The following SCAPER variants were observed in gnomAD, a reference collection of about 807,000 sequenced individuals.
SCAPER encodes S phase cyclin A-associated protein in the endoplasmic reticulum.
In SCAPER, 98 loss-of-function variants were observed where a neutral mutation model predicts 182.2. That is an observed-to-expected ratio of 0.54 (90% CI 0.46 to 0.64). SCAPER has a LOEUF of 0.64. Among genes scored for constraint, SCAPER ranks in the 30% least tolerant of loss-of-function variants. The pLI is 0.00. For synonymous variants in SCAPER, 605 were observed against 564.6 expected, an observed-to-expected ratio of 1.07 and a Z score of -1.01; for missense variants, 1,432 against 1,690.0, an observed-to-expected ratio of 0.85 and a Z score of 2.68.
chr15:76,485,564 G>A (rs745943769), intron 24 of SCAPER, among the ~76,000 whole-genome samples: 1 of 152,090 alleles, frequency 6.6e-6, no homozygotes, highest in African/African-American at 2.4e-5. Flanking sequence ...CAAAAAAAGA[G>A]TCTGAGTAGC....
rs117937492 is a variant in SCAPER, at chr15:76,679,111, C to A, written c.2509-13322G>T. 7.2e-4 allele frequency among the ~76,000 whole-genome samples: 109 copies of A among 152,156 alleles called. No individual in the cohort carries two copies. The East Asian group carries it at 0.019, about 27-fold the overall frequency. ...GCATTAGGCATATCAAATAAAGTAT[C>A]CACAGACAGTATTCAAACACTATTC... On this transcript the variant is annotated intron_variant, in intron 20 of 31. Coordinates refer to ENST00000563290, the MANE Select transcript of SCAPER (RefSeq NM_020843.4).
intron 25 of SCAPER, among the ~76,000 whole-genome samples, chr15:76,467,276 A>G (rs2049754216): frequency 6.6e-6 from 1 of 152,220 alleles, no homozygotes; most frequent in African/African-American, 2.4e-5. Context: ...TATGGCAGCA[A>G]GCCTCCCTGT....
At chr15:76,714,253 T>C (rs974784996) in intron 17 of SCAPER, among the ~76,000 whole-genome samples, 8 of 152,170 alleles carry the variant, frequency 5.3e-5, no homozygotes, top group African/African-American at 1.7e-4. Flanking sequence ...ATTGTGCAGA[T>C]AGTTTCACAA....
At position 76,899,894 on chromosome 15, in the gene SCAPER, G is replaced by A. The variant is rs978946675; in HGVS notation, c.-60+5405C>T. 5.3e-5 allele frequency among the ~76,000 whole-genome samples: 8 copies of A among 152,284 alleles called. 1 individual carries two copies. The South Asian group carries it at 6.2e-4, about 12-fold the overall frequency. ...CCATGATGACGATGGCGGTTTTGTC[G>A]AAAAGAAAAGGGGGAAATGTGGGGA... On this transcript the variant is annotated intron_variant, in intron 1 of 31. Coordinates refer to ENST00000563290, the MANE Select transcript of SCAPER (RefSeq NM_020843.4).
At chr15:76,683,549 A>C (rs956476256) in intron 20 of SCAPER, among the ~76,000 whole-genome samples, 1 of 152,120 alleles carries the variant, frequency 6.6e-6, no homozygotes, top group Admixed American at 6.5e-5. Flanking sequence ...ACTTCAGAAA[A>C]CACAGAGAAC....
At chr15:76,383,331 A>G (rs2043093991) in intron 27 of SCAPER, among the ~76,000 whole-genome samples, 1 of 152,146 alleles carries the variant, frequency 6.6e-6, no homozygotes, top group Admixed American at 6.5e-5. Flanking sequence ...TTCTCAATTC[A>G]TAACTTAGTT....
At position 76,701,962 on chromosome 15, in the gene SCAPER, C is replaced by A. The variant is rs539703193; in HGVS notation, c.2401-97G>T. ...CAGTATATGATATGTGAGTTGAGAT[C>A]CACCTAGTATTTACATATTAGTCTT... On this transcript the variant is annotated intron_variant, in intron 19 of 31. Coordinates refer to ENST00000563290, the MANE Select transcript of SCAPER (RefSeq NM_020843.4). 6.7e-6 allele frequency: 5 copies of A among 744,616 alleles called. No homozygotes were observed. The East Asian group carries it at 1.1e-4, about 16-fold the overall frequency. The allele number at this position is 744,616 out of a possible 1,614,324, so 46.1% of individuals were successfully genotyped here.
chr15:76,569,266 C>T (rs1003460719), intron 23 of SCAPER, among the ~76,000 whole-genome samples: 2 of 152,112 alleles, frequency 1.3e-5, no homozygotes, highest in African/African-American at 4.8e-5. Context: ...TTAATTGATG[C>T]TGAACTTACC....
At chr15:76,622,338 C>T (rs1280014448) in intron 21 of SCAPER, among the ~76,000 whole-genome samples, 1 of 151,864 alleles carries the variant, frequency 6.6e-6, no homozygotes, top group African/African-American at 2.4e-5. Context: ...CCAAAGGATC[C>T]TGTTGTCAAA....
At chr15:76,684,637 T>C (rs970257928) in intron 20 of SCAPER, among the ~76,000 whole-genome samples, 1 of 151,882 alleles carries the variant, frequency 6.6e-6, no homozygotes, top group Non-Finnish European at 1.5e-5. Context: ...GATACAAGAA[T>C]GCTATCAATA....
chr15:76,738,394 C>A (rs559386414), intron 15 of SCAPER, among the ~76,000 whole-genome samples: 7 of 152,242 alleles, frequency 4.6e-5, no homozygotes, highest in South Asian at 4.1e-4. Flanking sequence ...TCATTTCCAG[C>A]TTTTGATTTA....
At chr15:76,644,520 T>G (rs2054376881) in intron 21 of SCAPER, among the ~76,000 whole-genome samples, 1 of 151,948 alleles carries the variant, frequency 6.6e-6, no homozygotes. Context: ...TGTAAAAACC[T>G]AAAAGTCTGA....
intron 20 of SCAPER, among the ~76,000 whole-genome samples, chr15:76,678,899 T>G (rs965950955): frequency 2.0e-5 from 3 of 152,144 alleles, no homozygotes; most frequent in African/African-American, 7.2e-5. Context: ...TGCTAACTGC[T>G]TAAGTTAAGG....
chr15:76,711,748 T>C (rs1440014838), intron 17 of SCAPER, among the ~76,000 whole-genome samples: 2 of 152,206 alleles, frequency 1.3e-5, no homozygotes, highest in African/African-American at 4.8e-5. Context: ...TTGAGAAGTG[T>C]CTGTTCATAT....
intron 23 of SCAPER, among the ~76,000 whole-genome samples, chr15:76,539,609 AT>A (rs1458135297): frequency 2.9e-5 from 4 of 136,748 alleles, no homozygotes; most frequent in African/African-American, 1.1e-4. Flanking sequence ...CTGTGGCATG[AT>A]CTTGGCTCAC....
intron 22 of SCAPER, among the ~76,000 whole-genome samples, chr15:76,614,252 G>A (rs1429769971): frequency 6.6e-6 from 1 of 152,182 alleles, no homozygotes; most frequent in Non-Finnish European, 1.5e-5. Flanking sequence ...TTTGGAGGAT[G>A]GAGGGTGGGA....
At chr15:76,878,941 C>T (rs950241661) in intron 2 of SCAPER, among the ~76,000 whole-genome samples, 41 of 151,852 alleles carry the variant, frequency 2.7e-4, no homozygotes, top group African/African-American at 9.0e-4. Flanking sequence ...CAAAATTTAC[C>T]AAAAAAATTT....
intron 21 of SCAPER, among the ~76,000 whole-genome samples, chr15:76,622,406 A>G (rs2052168548): frequency 6.6e-6 from 1 of 152,166 alleles, no homozygotes; most frequent in Non-Finnish European, 1.5e-5. Flanking sequence ...TCTAGAGAAC[A>G]ATGACAGGTG....
Position 76,808,641 on chromosome 15 carries a change from C to G in SCAPER, c.394-4008G>C, listed in dbSNP as rs73445352. 4.4e-3 allele frequency among the ~76,000 whole-genome samples: 667 copies of G among 152,312 alleles called. 6 individuals carry two copies. Among genetic ancestry groups the G allele is most frequent in the African/African-American group, 0.015 (635 of 41,564 alleles). On this transcript the variant is annotated intron_variant, in intron 5 of 31. Coordinates refer to ENST00000563290, the MANE Select transcript of SCAPER (RefSeq NM_020843.4). ...ATGTCCTGACTTCTCCAGCTGCTACCTGAAACTGCAGGAAATTAGCAGTCT... is the reference window on the plus strand; with the variant it reads ...ATGTCCTGACTTCTCCAGCTGCTACGTGAAACTGCAGGAAATTAGCAGTCT...
Sources: allele counts gnomAD v4.1 joint callset (sites outside exome capture counted in the v4.1 genomes callset), GRCh38; gene constraint gnomAD v4.1.1; transcripts MANE v1.5; gene names NCBI Gene and HGNC (gene_info 2026-07-23, HGNC 2026-07-21).